TSPAN5: variants seen among roughly 807,000 people sequenced by gnomAD.
TSPAN5 encodes tetraspanin-5.
In TSPAN5, 10 loss-of-function variants were observed where a neutral mutation model predicts 37.1. The observed-to-expected ratio is 0.27, with a 90% CI of 0.17 to 0.46. The LOEUF (loss-of-function observed/expected upper bound fraction) is 0.46. Among genes scored for constraint, TSPAN5 ranks in the 20% least tolerant of loss-of-function variants. The pLI is 1.00. For missense variants in TSPAN5, 195 were observed against 326.6 expected (o/e 0.60, Z 3.11); for synonymous variants, 110 against 118.9 (o/e 0.93, Z 0.48).
At chr4:98,616,948 C>T (rs541690442) in intron 1 of TSPAN5, among the ~76,000 whole-genome samples, 6 of 151,832 alleles carry the variant, frequency 4.0e-5, no homozygotes, top group Non-Finnish European at 2.9e-5. Context: ...CTCGACCTCC[C>T]GAGTAGCTGG....
rs961842562 is a variant in TSPAN5 at position 98,489,032 on chromosome 4, G to A, written c.133-2148C>T. 7.2e-4 allele frequency among the ~76,000 whole-genome samples: 109 copies of A among 152,296 alleles called. 2 individuals are homozygous for A. The highest frequency in any genetic ancestry group is 2.5e-3 in the African/African-American group (104 of 41,558). ...AGGTTATGGACCTTCTCAGCCACCGGAAGAGAGAGAAGACTTTGGGGATAC... is the reference window on the plus strand; with the variant it reads ...AGGTTATGGACCTTCTCAGCCACCGAAAGAGAGAGAAGACTTTGGGGATAC... On this transcript the variant is annotated intron_variant, in intron 2 of 7. Coordinates refer to ENST00000305798, the MANE Select transcript of TSPAN5 (RefSeq NM_005723.4).
At chr4:98,583,945 G>A (rs1417516314) in intron 1 of TSPAN5, among the ~76,000 whole-genome samples, 1 of 151,980 alleles carries the variant, frequency 6.6e-6, no homozygotes, top group Non-Finnish European at 1.5e-5. Flanking sequence ...AGAGAATCTG[G>A]AACTTTGCCA....
At chr4:98,484,949 C>A (rs981576983) in intron 3 of TSPAN5, 3 of 176,336 alleles carry the variant, frequency 1.7e-5, no homozygotes, top group Admixed American at 1.7e-4. Context: ...CCCATCTCTA[C>A]TAAAAATGAA....
At chr4:98,483,723 C>G (rs1244776252) in intron 3 of TSPAN5, 1 of 152,216 alleles carries the variant, frequency 6.6e-6, no homozygotes, top group African/African-American at 2.4e-5. Context: ...CCAGCTCAGC[C>G]CTTCAGGTTT....
intron 1 of TSPAN5, among the ~76,000 whole-genome samples, chr4:98,569,076 T>C (rs1341579785): frequency 6.6e-6 from 1 of 152,210 alleles, no homozygotes; most frequent in African/African-American, 2.4e-5. Context: ...GTGAAATGGA[T>C]GCCTCGGACT....
chr4:98,511,741 G>C (rs2110290263), intron 1 of TSPAN5, among the ~76,000 whole-genome samples: 1 of 152,062 alleles, frequency 6.6e-6, no homozygotes, highest in East Asian at 1.9e-4. Context: ...GGATATACTG[G>C]GTCAAATATT....
intron 1 of TSPAN5, among the ~76,000 whole-genome samples, chr4:98,569,766 T>C (rs1755080785): frequency 6.6e-6 from 1 of 152,248 alleles, no homozygotes; most frequent in African/African-American, 2.4e-5. Context: ...GATATGTTCA[T>C]TTGAGATGAC....
At chr4:98,481,899 G>T in intron 4 of TSPAN5, 106 bp downstream of exon 4, 1 of 1,081,986 alleles carries the variant, frequency 9.2e-7, no homozygotes, top group Non-Finnish European at 1.4e-6. Flanking sequence ...ATGCAGAATA[G>T]TCAGGTAGTT....
chr4:98,640,622 G>A (rs1378509160), intron 1 of TSPAN5, among the ~76,000 whole-genome samples: 1 of 152,174 alleles, frequency 6.6e-6, no homozygotes, highest in Non-Finnish European at 1.5e-5. Context: ...CATGGCAGCT[G>A]CTCTGATGAG....
At chr4:98,543,420 T>TA (rs1754403696) in intron 1 of TSPAN5, among the ~76,000 whole-genome samples, 1 of 11,098 alleles carries the variant, frequency 9.0e-5, no homozygotes, top group African/African-American at 7.0e-4. Flanking sequence ...TACTTTAGAA[T>TA]TTTTTTTTTT....
intron 1 of TSPAN5, among the ~76,000 whole-genome samples, chr4:98,586,401 T>C (rs1755485133): frequency 6.6e-6 from 1 of 152,198 alleles, no homozygotes. Flanking sequence ...GCAGATTTGC[T>C]GTTGGCCTTG....
intron 1 of TSPAN5, among the ~76,000 whole-genome samples, chr4:98,602,405 A>G (rs1311914920): frequency 2.0e-5 from 3 of 152,250 alleles, no homozygotes; most frequent in Non-Finnish European, 4.4e-5. Context: ...TGGTCTGATA[A>G]GGAGGAAGCC....
chr4:98,590,675 A>C (rs967814194), intron 1 of TSPAN5, among the ~76,000 whole-genome samples: 1 of 150,300 alleles, frequency 6.7e-6, no homozygotes, highest in Non-Finnish European at 1.5e-5. Flanking sequence ...GCATCACTGC[A>C]CTCCAGCCTG....
At chr4:98,565,006 G>A (rs72902280) in intron 1 of TSPAN5, among the ~76,000 whole-genome samples, 4,935 of 152,092 alleles carry the variant, frequency 0.032, 267 homozygotes, top group African/African-American at 0.11. Flanking sequence ...TCCCTCACAC[G>A]TCACAGGCCC....
At chr4:98,492,084 C>A (rs1468522872) in intron 2 of TSPAN5, among the ~76,000 whole-genome samples, 1 of 152,114 alleles carries the variant, frequency 6.6e-6, no homozygotes, top group Non-Finnish European at 1.5e-5. Flanking sequence ...TGTAAGGATG[C>A]CTTCGCCCCT....
At chr4:98,500,720 G>A (rs1225839591) in intron 2 of TSPAN5, among the ~76,000 whole-genome samples, 3 of 152,108 alleles carry the variant, frequency 2.0e-5, no homozygotes, top group Admixed American at 6.6e-5. Flanking sequence ...ATTTTACAAC[G>A]TGTAAAGCTC....
rs1579061151 is a variant in TSPAN5 at position 98,658,271 on chromosome 4, A to G, written c.-45T>C. On this transcript the variant is annotated 5_prime_UTR_variant, in exon 1 of 8. Coordinates refer to ENST00000305798, the MANE Select transcript of TSPAN5 (RefSeq NM_005723.4). The stretch of plus-strand genomic sequence containing the variant: ...ACTTGCCCCGGCAGCCCGAGTTTGG[A>G]GCTCCGAAGCACCGTTGCTCGGAGC... 6.7e-7 allele frequency: 1 copy of G among 1,502,132 alleles called. No individual in the cohort carries two copies. Among genetic ancestry groups the G allele is most frequent in the Non-Finnish European group, 9.3e-7 (1 of 1,078,222 alleles). 93.1% of individuals were successfully genotyped at this position (1,502,132 alleles called of 1,614,324 possible). A position where few individuals can be genotyped will look rare whatever the true frequency, so the allele number is the denominator to read the frequency against.
At chr4:98,540,534 C>T (rs1157675235) in intron 1 of TSPAN5, among the ~76,000 whole-genome samples, 6 of 152,104 alleles carry the variant, frequency 3.9e-5, no homozygotes, top group African/African-American at 1.4e-4. Context: ...GATGGGGTTT[C>T]GCCATGTTGG....
intron 2 of TSPAN5, 117 bp from the exon 3 acceptor site, chr4:98,487,001 G>T: frequency 3.1e-6 from 3 of 954,442 alleles, no homozygotes; most frequent in Non-Finnish European, 4.7e-6. Context: ...GAGGGCATCT[G>T]ATTATCAGGT....
Sources: allele counts gnomAD v4.1 joint callset (sites outside exome capture counted in the v4.1 genomes callset), GRCh38; gene constraint gnomAD v4.1.1; transcripts MANE v1.5; gene names NCBI Gene and HGNC (gene_info 2026-07-23, HGNC 2026-07-21).